The following AGBL4 variants were observed in gnomAD, a reference collection of about 807,000 sequenced individuals.
AGBL4 encodes AGBL carboxypeptidase 4.
In AGBL4, 58 loss-of-function variants were observed where a neutral mutation model predicts 66.4. The ratio of observed to expected loss-of-function variants is 0.87; its 90% confidence interval spans 0.71 to 1.09. The LOEUF (loss-of-function observed/expected upper bound fraction) is 1.09. Among genes scored for constraint, AGBL4 ranks in the 50% least tolerant of loss-of-function variants. The pLI, the probability that AGBL4 is intolerant of heterozygous loss-of-function variation, is 0.00. For synonymous variants in AGBL4, 234 were observed against 222.9 expected (o/e 1.05, Z -0.44); for missense variants, 579 against 631.0 (o/e 0.92, Z 0.88).
intron 4 of AGBL4, among the ~76,000 whole-genome samples, chr1:49,190,959 T>C (rs1193101688): frequency 6.6e-6 from 1 of 152,220 alleles, no homozygotes; most frequent in Non-Finnish European, 1.5e-5. Context: ...TGTTCTCAAT[T>C]GGACTGGAAA....
At chr1:49,924,031 C>G (rs1460521048) in intron 1 of AGBL4, among the ~76,000 whole-genome samples, 2 of 152,264 alleles carry the variant, frequency 1.3e-5, no homozygotes, top group East Asian at 3.9e-4. Context: ...ATGTTAATTG[C>G]AGCACTATTC....
At chr1:49,593,020 T>A (rs1237159714) in intron 3 of AGBL4, among the ~76,000 whole-genome samples, 1 of 152,198 alleles carries the variant, frequency 6.6e-6, no homozygotes, top group African/African-American at 2.4e-5. Flanking sequence ...CCAGCAATTC[T>A]TTTTCTAGGA....
At chr1:48,777,498 T>TTTTG (rs961140731) in intron 6 of AGBL4, among the ~76,000 whole-genome samples, 82 of 152,050 alleles carry the variant, frequency 5.4e-4, no homozygotes, top group African/African-American at 1.7e-3. Flanking sequence ...CTTTCTTTCT[T>TTTTG]TTTGTTTGTT....
chr1:49,789,353 CA>C (rs1644537408), intron 2 of AGBL4, among the ~76,000 whole-genome samples: 1 of 152,028 alleles, frequency 6.6e-6, no homozygotes, highest in South Asian at 2.1e-4. Flanking sequence ...ATGCTGGAAA[CA>C]AATGAAGTGT....
At chr1:49,427,181 T>A (rs186703314) in intron 3 of AGBL4, among the ~76,000 whole-genome samples, 1 of 152,206 alleles carries the variant, frequency 6.6e-6, no homozygotes, top group African/African-American at 2.4e-5. Context: ...ACATATGCAA[T>A]ATATTGCTAT....
chr1:48,653,515 C>T, intron 7 of AGBL4, 64 bp from the exon 8 acceptor site: 3 of 1,296,484 alleles, frequency 2.3e-6, no homozygotes, highest in Non-Finnish European at 3.2e-6. Flanking sequence ...ACACATTTTT[C>T]TCAGCTTGGA....
At chr1:49,022,326 A>T (rs1571251005) in intron 5 of AGBL4, among the ~76,000 whole-genome samples, 1 of 152,140 alleles carries the variant, frequency 6.6e-6, no homozygotes, top group Non-Finnish European at 1.5e-5. Context: ...AAAAAAAGGT[A>T]GAATTCTTAG....
chr1:49,339,319 C>A (rs1645493690), intron 3 of AGBL4, among the ~76,000 whole-genome samples: 1 of 152,130 alleles, frequency 6.6e-6, no homozygotes, highest in African/African-American at 2.4e-5. Flanking sequence ...TTAAAAAGTT[C>A]TCAGTTACTT....
intron 4 of AGBL4, among the ~76,000 whole-genome samples, chr1:49,141,800 G>GT (rs895015289): frequency 6.6e-6 from 1 of 152,164 alleles, no homozygotes; most frequent in African/African-American, 2.4e-5. Flanking sequence ...GCATCAGAAT[G>GT]TAACACGATG....
intron 3 of AGBL4, among the ~76,000 whole-genome samples, chr1:49,530,156 G>A (rs554883157): frequency 1.1e-4 from 17 of 148,408 alleles, no homozygotes; most frequent in African/African-American, 4.0e-4. Flanking sequence ...CAACATTGTC[G>A]TCATGATCAT....
intron 4 of AGBL4, among the ~76,000 whole-genome samples, chr1:49,146,624 G>C (rs1255443677): frequency 6.6e-6 from 1 of 152,196 alleles, no homozygotes; most frequent in East Asian, 1.9e-4. Context: ...TAGCTATAAA[G>C]TGGGATGGTG....
chr1:48,567,724 G>A (rs1348279472), intron 11 of AGBL4, among the ~76,000 whole-genome samples: 1 of 152,240 alleles, frequency 6.6e-6, no homozygotes, highest in Non-Finnish European at 1.5e-5. Context: ...GAGGAGGATA[G>A]TGGGTAGGAG....
intron 4 of AGBL4, among the ~76,000 whole-genome samples, chr1:49,097,440 A>G (rs1645125798): frequency 6.6e-6 from 1 of 152,110 alleles, no homozygotes. Context: ...CACTTATTAT[A>G]TGTGTACTTT....
intron 3 of AGBL4, among the ~76,000 whole-genome samples, chr1:49,669,726 T>C (rs949741028): frequency 9.9e-5 from 15 of 152,164 alleles, no homozygotes; most frequent in African/African-American, 2.9e-4. Context: ...GCTCTGAATA[T>C]GTTTAATCTT....
At chr1:49,186,478 C>T (rs1647018854) in intron 4 of AGBL4, among the ~76,000 whole-genome samples, 1 of 152,160 alleles carries the variant, frequency 6.6e-6, no homozygotes, top group South Asian at 2.1e-4. Flanking sequence ...CTCAATGAGC[C>T]TTTCTGGTCC....
chr1:48,885,464 G>A (rs866150621), intron 5 of AGBL4, among the ~76,000 whole-genome samples: 1 of 152,158 alleles, frequency 6.6e-6, no homozygotes, highest in Non-Finnish European at 1.5e-5. Context: ...GAAGGCAGAG[G>A]TTATATGCAT....
intron 4 of AGBL4, among the ~76,000 whole-genome samples, chr1:49,170,684 T>G (rs1646723016): frequency 6.6e-6 from 1 of 150,796 alleles, no homozygotes. Context: ...TGTATATATA[T>G]ATATATGAAT....
chr1:49,852,602 G>A (rs1198943228), intron 1 of AGBL4, among the ~76,000 whole-genome samples: 2 of 152,096 alleles, frequency 1.3e-5, no homozygotes, highest in African/African-American at 2.4e-5. Context: ...CACGACTAGG[G>A]GAGAAATAAC....
chr1:48,702,657 G>C (rs1485314493), intron 6 of AGBL4, among the ~76,000 whole-genome samples: 3 of 152,136 alleles, frequency 2.0e-5, no homozygotes, highest in Non-Finnish European at 4.4e-5. Context: ...ACAGGAAGTA[G>C]GGGATAGGCT....
Sources: gnomAD v4.1 joint callset for allele counts (sites outside exome capture counted in the v4.1 genomes callset) on GRCh38, gnomAD v4.1.1 for gene constraint, MANE v1.5 for transcripts, NCBI Gene and HGNC (gene_info 2026-07-23, HGNC 2026-07-21) for gene names.